DLG2: variants seen among roughly 807,000 people sequenced by gnomAD.
DLG2 encodes disks large homolog 2.
Under a neutral mutation model 132.5 loss-of-function variants are expected in DLG2, and 45 were observed. That is an observed-to-expected ratio of 0.34 (90% CI 0.27 to 0.44). DLG2 has a LOEUF of 0.44. Among genes scored for constraint, DLG2 ranks in the 20% least tolerant of loss-of-function variants. The probability of loss-of-function intolerance (pLI) is 1.00; values close to 1 mark genes in which losing one functional copy is unlikely to be tolerated. For missense variants in DLG2, 1,045 were observed against 1,196.9 expected, an observed-to-expected ratio of 0.87 and a Z score of 1.87; for synonymous variants, 424 against 419.6, an observed-to-expected ratio of 1.01 and a Z score of -0.13.
intron 7 of DLG2, among the ~76,000 whole-genome samples, chr11:84,447,362 A>G (rs1389416691): frequency 1.3e-5 from 2 of 152,168 alleles, no homozygotes; most frequent in South Asian, 2.1e-4. Flanking sequence ...AAGGAAGACA[A>G]AATCACAATA....
intron 3 of DLG2, among the ~76,000 whole-genome samples, chr11:85,467,049 G>A (rs2092814960): frequency 6.6e-6 from 1 of 152,060 alleles, no homozygotes; most frequent in Non-Finnish European, 1.5e-5. Context: ...TGGATTCCTA[G>A]GTATTTTATT....
chr11:84,561,350 C>G (rs2099428445), intron 6 of DLG2, among the ~76,000 whole-genome samples: 1 of 152,098 alleles, frequency 6.6e-6, no homozygotes, highest in Admixed American at 6.6e-5. Context: ...CTTTTGCCAT[C>G]TCATCTTCTA....
intron 9 of DLG2, among the ~76,000 whole-genome samples, chr11:84,162,414 CCTT>C (rs1376784017): frequency 2.0e-5 from 3 of 151,422 alleles, no homozygotes; most frequent in South Asian, 4.2e-4. Flanking sequence ...TCTAGGTAGA[CCTT>C]CTATCCTTGC....
Position 83,721,481 on chromosome 11 carries a change from C to T in DLG2, c.1825+65209G>A, listed in dbSNP as rs115090403. On this transcript the variant is annotated intron_variant, in intron 18 of 27. Coordinates refer to ENST00000376104, the MANE Select transcript of DLG2 (RefSeq NM_001142699.3). The stretch of plus-strand genomic sequence containing the variant: ...CATGCGCATCATCATCAGTGACTCA[C>T]GTCAGTTCTTTCAAGGTCTGTCAGT... Among the ~76,000 whole-genome samples the T allele has an allele frequency of 9.2e-3, 1,402 of 152,286 alleles. 17 individuals are homozygous for T. Among genetic ancestry groups the T allele is most frequent in the African/African-American group, 0.031 (1,277 of 41,546 alleles).
chr11:85,610,746 CAG>C (rs2080938801), intron 2 of DLG2, among the ~76,000 whole-genome samples: 1 of 151,764 alleles, frequency 6.6e-6, no homozygotes, highest in Admixed American at 6.6e-5. Flanking sequence ...GCTTTGCCTA[CAG>C]CAGGTCGAAT....
chr11:84,263,033 T>C (rs1274325220), intron 7 of DLG2, among the ~76,000 whole-genome samples: 1 of 152,110 alleles, frequency 6.6e-6, no homozygotes, highest in Non-Finnish European at 1.5e-5. Context: ...GTTCCTAATA[T>C]AAAGATGGCA....
chr11:84,897,141 CAT>C (rs5793146), intron 6 of DLG2, among the ~76,000 whole-genome samples: 76,224 of 149,504 alleles, frequency 0.51, 20,074 homozygotes, highest in African/African-American at 0.67. Context: ...GTACTAGTTA[CAT>C]ATATATATAT....
chr11:84,866,608 T>G (rs2084611687), intron 6 of DLG2, among the ~76,000 whole-genome samples: 1 of 152,214 alleles, frequency 6.6e-6, no homozygotes, highest in Non-Finnish European at 1.5e-5. Flanking sequence ...TTCACTGAAC[T>G]ACACTGTTCT....
chr11:84,574,627 G>T (rs1434531170), intron 6 of DLG2, among the ~76,000 whole-genome samples: 2 of 152,152 alleles, frequency 1.3e-5, no homozygotes, highest in African/African-American at 2.4e-5. Context: ...CCATCCAGAA[G>T]AAAATTCAGG....
chr11:83,669,827 T>C (rs1391856854), intron 18 of DLG2, among the ~76,000 whole-genome samples: 1 of 152,218 alleles, frequency 6.6e-6, no homozygotes, highest in Non-Finnish European at 1.5e-5. Context: ...AATGAATACT[T>C]TCTAGATAAC....
intron 6 of DLG2, among the ~76,000 whole-genome samples, chr11:84,787,792 T>C (rs1024752293): frequency 6.6e-6 from 1 of 151,954 alleles, no homozygotes; most frequent in Non-Finnish European, 1.5e-5. Flanking sequence ...CAAAATTATG[T>C]GGGAATGTGA....
At chr11:84,295,077 G>T (rs540402707) in intron 7 of DLG2, among the ~76,000 whole-genome samples, 2 of 152,098 alleles carry the variant, frequency 1.3e-5, no homozygotes, top group Non-Finnish European at 2.9e-5. Flanking sequence ...ATAGTTCTCT[G>T]ATCATTTTCA....
At chr11:85,007,664 C>CAAAAA (rs57188165) in intron 6 of DLG2, among the ~76,000 whole-genome samples, 426 of 88,118 alleles carry the variant, frequency 4.8e-3, no homozygotes, top group Non-Finnish European at 7.4e-3. Flanking sequence ...GACTCCGTCT[C>CAAAAA]AAAAAAAAAA....
intron 3 of DLG2, among the ~76,000 whole-genome samples, chr11:85,307,926 C>T (rs1424760151): frequency 1.3e-5 from 2 of 152,048 alleles, no homozygotes; most frequent in South Asian, 2.1e-4. Flanking sequence ...AGGCCAAGAC[C>T]GGCAGATCAC....
At chr11:85,044,076 C>A (rs996309253) in intron 6 of DLG2, among the ~76,000 whole-genome samples, 5 of 151,958 alleles carry the variant, frequency 3.3e-5, no homozygotes, top group Non-Finnish European at 5.9e-5. Flanking sequence ...CTCTTCTGGA[C>A]CTCCATGCAC....
intron 6 of DLG2, among the ~76,000 whole-genome samples, chr11:84,751,449 T>C (rs934673591): frequency 1.3e-5 from 2 of 152,004 alleles, no homozygotes; most frequent in Non-Finnish European, 2.9e-5. Flanking sequence ...AATTTAGGAG[T>C]GCAAAGGCCA....
chr11:83,484,007 C>T, intron 22 of DLG2, 122 bp downstream of exon 22: 1 of 764,728 alleles, frequency 1.3e-6, no homozygotes, highest in South Asian at 1.5e-5. Flanking sequence ...TAGACCTGCC[C>T]TGCCTGCCTG....
intron 6 of DLG2, among the ~76,000 whole-genome samples, chr11:84,824,703 G>T (rs542848342): frequency 5.2e-4 from 79 of 151,908 alleles, no homozygotes; most frequent in Non-Finnish European, 1.0e-3. Flanking sequence ...GCTCTTCAGA[G>T]TTGCTTGATG....
chr11:83,456,587 G>A lies in DLG2; in HGVS notation c.*3231C>T, dbSNP rs1456823128. On this transcript the variant is annotated 3_prime_UTR_variant, in exon 28 of 28. Coordinates refer to ENST00000376104, the MANE Select transcript of DLG2 (RefSeq NM_001142699.3). ...TGGACAAAAAGAGAAAGGGAATAGA[G>A]AAGGATTATAGGAGAAAGTCAACAA... 1 of 150,956 alleles carries A rather than the reference G, an allele frequency of 6.6e-6. No homozygotes were observed. The highest frequency in any genetic ancestry group is 1.5e-5 in the Non-Finnish European group (1 of 67,986). 9.4% of individuals were successfully genotyped at this position (150,956 alleles called of 1,614,324 possible). A position where few individuals can be genotyped will look rare whatever the true frequency, so the allele number is the denominator to read the frequency against.
Sources: allele counts gnomAD v4.1 joint callset (sites outside exome capture counted in the v4.1 genomes callset), GRCh38; gene constraint gnomAD v4.1.1; transcripts MANE v1.5; gene names NCBI Gene and HGNC (gene_info 2026-07-23, HGNC 2026-07-21).